The following THSD7A variants were observed in gnomAD, a reference collection of about 807,000 sequenced individuals.
THSD7A encodes the protein thrombospondin type-1 domain-containing protein 7A.
THSD7A carries 96 observed loss-of-function variants against 231.3 expected under a neutral mutation model. The ratio of observed to expected loss-of-function variants is 0.41; its 90% CI spans 0.35 to 0.49. The LOEUF (loss-of-function observed/expected upper bound fraction) is 0.49, where lower values mean the gene tolerates loss of function less well. THSD7A is among the 20% of genes least tolerant of loss of function. The pLI is 0.05. For synonymous variants in THSD7A, 940 were observed against 743.3 expected, an observed-to-expected ratio of 1.26 and a Z score of -4.30; for missense variants, 2,290 against 2,070.2, an observed-to-expected ratio of 1.11 and a Z score of -2.06.
intron 1 of THSD7A, among the ~76,000 whole-genome samples, chr7:11,677,436 A>T (rs867826345): frequency 2.6e-5 from 4 of 152,004 alleles, no homozygotes; most frequent in Middle Eastern, 6.8e-3. Context: ...TTAAATGTAA[A>T]CAGACTAAAT....
intron 23 of THSD7A, among the ~76,000 whole-genome samples, chr7:11,383,150 CACAT>C (rs1346163277): frequency 6.6e-6 from 1 of 151,886 alleles, no homozygotes; most frequent in Non-Finnish European, 1.5e-5. Context: ...CACGCACACA[CACAT>C]AATTACTATA....
At chr7:11,546,595 G>C (rs1010845223) in intron 4 of THSD7A, among the ~76,000 whole-genome samples, 10 of 152,156 alleles carry the variant, frequency 6.6e-5, no homozygotes, top group African/African-American at 2.2e-4. Context: ...AAAGATTTAA[G>C]GAACATCAGC....
intron 1 of THSD7A, among the ~76,000 whole-genome samples, chr7:11,651,207 C>A (rs189486275): frequency 1.3e-5 from 2 of 151,958 alleles, no homozygotes; most frequent in Non-Finnish European, 2.9e-5. Context: ...TGTATGATCC[C>A]ATTTATATGA....
chr7:11,603,939 T>A (rs1000567599), intron 2 of THSD7A, among the ~76,000 whole-genome samples: 11 of 149,388 alleles, frequency 7.4e-5, no homozygotes, highest in African/African-American at 2.7e-4. Context: ...GATGACGAGT[T>A]AGTGGGTGCA....
intron 6 of THSD7A, among the ~76,000 whole-genome samples, chr7:11,488,987 G>A (rs1786778861): frequency 6.6e-6 from 1 of 152,046 alleles, no homozygotes; most frequent in Non-Finnish European, 1.5e-5. Context: ...TGCCCCAGAT[G>A]GAGTTGTGCT....
chr7:11,806,221 C>T (rs1159263134), intron 1 of THSD7A, among the ~76,000 whole-genome samples: 1 of 152,168 alleles, frequency 6.6e-6, no homozygotes, highest in East Asian at 1.9e-4. Context: ...ACTGCAGCTC[C>T]ACTCCATGTT....
chr7:11,406,536 A>T lies in THSD7A; in HGVS notation c.4063-62T>A, dbSNP rs528079656. 120 of 1,464,798 alleles carry T rather than the reference A, an allele frequency of 8.2e-5. No homozygotes were observed. The African/African-American group carries it at 1.5e-3, about 19-fold the overall frequency. 90.7% of individuals were successfully genotyped at this position (1,464,798 alleles called of 1,614,324 possible). A position where few individuals can be genotyped will look rare whatever the true frequency, so the allele number is the denominator to read the frequency against. Reference sequence around the variant, plus strand: ...GAAATACTTCATTAGAGAGCTCATCACTTAGTTATCTCTGCACCACTGACT... The same window carrying T: ...GAAATACTTCATTAGAGAGCTCATCTCTTAGTTATCTCTGCACCACTGACT... On this transcript the variant is annotated intron_variant, in intron 21 of 27. Coordinates refer to ENST00000423059, the MANE Select transcript of THSD7A (RefSeq NM_015204.3). This position sits in a 1 kb window ranked among gnomAD's most constrained non-coding sequence, Gnocchi z 4.7.
At chr7:11,769,154 T>TATATATATATATATATATA (rs1554275711) in intron 1 of THSD7A, among the ~76,000 whole-genome samples, 5 of 29,382 alleles carry the variant, frequency 1.7e-4, no homozygotes, top group Non-Finnish European at 3.2e-4. Flanking sequence ...TATATATATA[T>TATATATATATATATATATA]TTTTTTTTTT....
chr7:11,629,837 G>T (rs1395570024), intron 2 of THSD7A, among the ~76,000 whole-genome samples: 1 of 152,142 alleles, frequency 6.6e-6, no homozygotes, highest in Non-Finnish European at 1.5e-5. Flanking sequence ...TTTTAGGTAT[G>T]GTGTTTGTTT....
intron 7 of THSD7A, among the ~76,000 whole-genome samples, chr7:11,476,905 G>C (rs946533745): frequency 6.6e-6 from 1 of 151,150 alleles, no homozygotes; most frequent in African/African-American, 2.4e-5. Flanking sequence ...CAAAATTACA[G>C]TGAAATTAAA....
intron 4 of THSD7A, among the ~76,000 whole-genome samples, chr7:11,560,384 A>G (rs1259114272): frequency 1.3e-5 from 2 of 152,164 alleles, no homozygotes; most frequent in Non-Finnish European, 2.9e-5. Context: ...ACAACTTCAT[A>G]GGGCAGCACA....
chr7:11,681,961 C>T (rs1196901368), intron 1 of THSD7A, among the ~76,000 whole-genome samples: 1 of 151,966 alleles, frequency 6.6e-6, no homozygotes, highest in African/African-American at 2.4e-5. Flanking sequence ...TTTTAGCAGT[C>T]TTAAAAAAAG....
intron 6 of THSD7A, among the ~76,000 whole-genome samples, chr7:11,515,845 T>C (rs1788010446): frequency 6.6e-6 from 1 of 152,186 alleles, no homozygotes; most frequent in African/African-American, 2.4e-5. Flanking sequence ...CACAAGTTAC[T>C]GAGAAGAAAC....
rs553030554 is a variant in THSD7A, at chr7:11,677,584, C to CAAAAAAAAAAAAAAAAAAAAA, written c.191-40644_191-40624dup. ...GAAGATTGACCAAGCAAATGGAAAG[C>CAAAAAAAAAAAAAAAAAAAAA]AAAAAAAAAAAAAAAAAAAAAAAAA... On this transcript the variant is annotated intron_variant, in intron 1 of 27. Transcript: ENST00000423059. 9.0e-5 allele frequency among the ~76,000 whole-genome samples: 2 copies of CAAAAAAAAAAAAAAAAAAAAA among 22,274 alleles called. 1 individual carries two copies. The highest frequency in any genetic ancestry group is 5.1e-4 in the African/African-American group (2 of 3,884). The allele number at this position is 22,274 out of a possible 152,430, so 14.6% of individuals were successfully genotyped here. A position where few individuals can be genotyped will look rare whatever the true frequency, so the allele number is the denominator to read the frequency against.
intron 13 of THSD7A, among the ~76,000 whole-genome samples, chr7:11,435,244 T>C (rs1166785712): frequency 6.6e-6 from 1 of 152,112 alleles, no homozygotes; most frequent in Non-Finnish European, 1.5e-5. Context: ...TAAAGGCTTC[T>C]CTTGTATAAT....
chr7:11,728,530 T>C (rs1345782669), intron 1 of THSD7A, among the ~76,000 whole-genome samples: 1 of 151,904 alleles, frequency 6.6e-6, no homozygotes, highest in Non-Finnish European at 1.5e-5. Context: ...TTTTTCCTGG[T>C]AAAAACTCTC....
chr7:11,648,847 A>G lies in THSD7A; in HGVS notation c.191-11886T>C, dbSNP rs149757564. Among the ~76,000 whole-genome samples the G allele has an allele frequency of 4.2e-3, 642 of 152,036 alleles. 3 individuals carry two copies. Among genetic ancestry groups the G allele is most frequent in the African/African-American group, 0.015 (607 of 41,500 alleles). On this transcript the variant is annotated intron_variant, in intron 1 of 27. Coordinates refer to ENST00000423059, the MANE Select transcript of THSD7A (RefSeq NM_015204.3). ...ATGACATCAAATCTTCTGGGCCACT[A>G]TGATCTCAGTGACTGAGCAGCTTGC... is the stretch of plus-strand genomic sequence containing the variant.
chr7:11,750,633 G>T (rs146315807), intron 1 of THSD7A, among the ~76,000 whole-genome samples: 1 of 151,888 alleles, frequency 6.6e-6, no homozygotes, highest in Non-Finnish European at 1.5e-5. Context: ...CTGACGTGGC[G>T]CAGGTTGTCT....
Position 11,443,429 on chromosome 7 carries a change from T to G in THSD7A, c.3064+2632A>C, listed in dbSNP as rs528855015. On this transcript the variant is annotated intron_variant, in intron 13 of 27. Transcript: ENST00000423059. The stretch of plus-strand genomic sequence containing the variant: ...TATAGAGAATAAAATATTCAATTAC[T>G]CTTTGAGATGTTTCTCAAAGTACAT... Among the ~76,000 whole-genome samples the G allele has an allele frequency of 5.8e-4, 88 of 152,178 alleles. 1 individual carries two copies. In the South Asian group the frequency reaches 0.017, roughly 29 times the overall value.
Sources: allele counts gnomAD v4.1 joint callset (sites outside exome capture counted in the v4.1 genomes callset), GRCh38; gene constraint gnomAD v4.1.1; non-coding constraint Gnocchi (gnomAD v3.1); transcripts MANE v1.5; gene names NCBI Gene and HGNC (gene_info 2026-07-23, HGNC 2026-07-21).